CENPC: variants seen among roughly 807,000 people sequenced by gnomAD.
The protein encoded by CENPC is centromere protein C, also known as CENP-C 1.
In CENPC, 63 loss-of-function variants were observed where a neutral mutation model predicts 112.1. That is an observed-to-expected ratio of 0.56 (90% CI 0.46 to 0.69). CENPC has a LOEUF of 0.69. Among genes scored for constraint, CENPC ranks in the 30% least tolerant of loss-of-function variants. The pLI is 0.00. For missense variants in CENPC, 1,000 were observed against 1,103.8 expected (o/e 0.91, Z 1.33); for synonymous variants, 333 against 367.6 (o/e 0.91, Z 1.08).
chr4:67,485,206 A>G (rs1284241454), intron 17 of CENPC, among the ~76,000 whole-genome samples: 1 of 152,208 alleles, frequency 6.6e-6, no homozygotes, highest in Admixed American at 6.5e-5. Context: ...AAAGAAAGCA[A>G]AAAGCTAAAT....
rs780610159 is a variant in CENPC at position 67,518,307 on chromosome 4, C to T, written c.679G>A (p.Glu227Lys). ...TGTCCTTCCGATGTTTTATCCTCTT[C>T]ATCTGATACTTTATTATCTATTTCT... ...KIEIDNKVSD[E>K]EDKTSEGQER... The change falls in exon 7 of 19, where the codon GAA becomes AAA. Residue 227 changes from glutamate (E) to lysine (K), a missense_variant. Glu to Lys is a moderately conservative substitution (Grantham distance 56, BLOSUM62 1). Coordinates refer to ENST00000273853, the MANE Select transcript of CENPC (RefSeq NM_001812.4). 19 of 1,549,886 alleles carry T rather than the reference C, an allele frequency of 1.2e-5. No individual in the cohort carries two copies. In the East Asian group the frequency reaches 4.1e-4, roughly 33 times the overall value.
At position 67,471,091 on chromosome 4, in the gene CENPC, A is replaced by C. The variant is rs1724648564; in HGVS notation, c.*1514T>G. On this transcript the variant is annotated 3_prime_UTR_variant, in exon 19 of 19. Coordinates refer to ENST00000273853, the MANE Select transcript of CENPC (RefSeq NM_001812.4). ...ATCCCCCATCCCACACAGAACAACC[A>C]ACAGTGGGTGGAAGGCTTATAGACT... is the stretch of plus-strand genomic sequence containing the variant. 1 of 152,188 alleles carries C rather than the reference A, an allele frequency of 6.6e-6. No homozygotes were observed. The highest frequency in any genetic ancestry group is 1.5e-5 in the Non-Finnish European group (1 of 68,044). 9.4% of individuals were successfully genotyped at this position (152,188 alleles called of 1,614,324 possible). A position where few individuals can be genotyped will look rare whatever the true frequency, so the allele number is the denominator to read the frequency against.
intron 17 of CENPC, among the ~76,000 whole-genome samples, chr4:67,483,331 G>A (rs1006436660): frequency 6.7e-6 from 1 of 149,072 alleles, no homozygotes; most frequent in Non-Finnish European, 1.5e-5. Flanking sequence ...CCAGCCTGGG[G>A]ACAGTGGGAG....
At chr4:67,523,879 C>G (rs1422575845) in intron 5 of CENPC, among the ~76,000 whole-genome samples, 1 of 151,812 alleles carries the variant, frequency 6.6e-6, no homozygotes. Context: ...TCAGAAACAA[C>G]AACAAAAATG....
intron 12 of CENPC, among the ~76,000 whole-genome samples, chr4:67,499,076 T>A (rs1199097875): frequency 6.6e-6 from 1 of 152,218 alleles, no homozygotes; most frequent in Non-Finnish European, 1.5e-5. Context: ...AGCTGCTGGG[T>A]GGCCTGGTGC....
rs1216465501 is a variant in CENPC at position 67,497,469 on chromosome 4, C to A, written c.2132-2257G>T. 3.9e-5 allele frequency among the ~76,000 whole-genome samples: 6 copies of A among 152,240 alleles called. No homozygotes were observed. The East Asian group carries it at 1.2e-3, about 29-fold the overall frequency. On this transcript the variant is annotated intron_variant, in intron 12 of 18. Coordinates refer to ENST00000273853, the MANE Select transcript of CENPC (RefSeq NM_001812.4). ...CCAGACTACTGCAGTAAAACAGATA[C>A]TGCAATAAAGAAGTCAAACAGTTTT... is the stretch of plus-strand genomic sequence containing the variant.
intron 16 of CENPC, among the ~76,000 whole-genome samples, chr4:67,490,457 T>TTC (rs1725209571): frequency 6.6e-6 from 1 of 152,120 alleles, no homozygotes; most frequent in Non-Finnish European, 1.5e-5. Context: ...AAATATTGTC[T>TTC]GGCAAAAAGT....
chr4:67,528,648 G>A (rs547498267), intron 5 of CENPC, among the ~76,000 whole-genome samples: 6 of 152,262 alleles, frequency 3.9e-5, no homozygotes, highest in African/African-American at 1.4e-4. Flanking sequence ...TTATATAGCA[G>A]AACTTTGTTT....
chr4:67,510,473 C>T (rs1196866219), intron 9 of CENPC, among the ~76,000 whole-genome samples: 1 of 152,172 alleles, frequency 6.6e-6, no homozygotes, highest in Non-Finnish European at 1.5e-5. Context: ...GGTATTTTAT[C>T]TATGTATATT....
chr4:67,538,197 ATACATT>A (rs1489448184), intron 4 of CENPC, among the ~76,000 whole-genome samples: 1 of 152,200 alleles, frequency 6.6e-6, no homozygotes, highest in African/African-American at 2.4e-5. Context: ...CTTATTTATT[ATACATT>A]TAAAGTTATG....
chr4:67,519,401 G>C lies in CENPC; in HGVS notation c.433C>G (p.His145Asp). 6.2e-7 allele frequency: 1 copy of C among 1,613,012 alleles called. No homozygotes were observed. The highest frequency in any genetic ancestry group is 1.1e-5 in the South Asian group (1 of 91,004). Residue 145 changes from histidine (H) to aspartate (D), a missense_variant, in exon 6 of 19, where the codon CAC becomes GAC. His to Asp is a moderately conservative substitution (Grantham distance 81). Coordinates refer to ENST00000273853, the MANE Select transcript of CENPC (RefSeq NM_001812.4). ...TAAAATTCTTCATCAGCTTCACTGT[G>C]ATGATCATTTATGTTTCTACTTGAT... The part of the protein sequence containing the change: ...KISSRNINDH[H>D]SEADEEFYLS...
In CENPC at chr4:67,514,091, T is replaced by A; in HGVS notation, c.1427A>T (p.Lys476Ile). ...EEMGNDCVSKKQMPPVGSKKS... is the reference protein window; with the variant it reads ...EEMGNDCVSKIQMPPVGSKKS... The stretch of plus-strand genomic sequence containing the variant: ...ACACTTACCCACAGGTGGCATCTGT[T>A]TTTTGGAAACACAATCATTTCCCAT... Residue 476 changes from lysine to isoleucine, a missense_variant, in exon 8 of 19, where the codon AAA becomes ATA. By Grantham distance (102) the Lys-to-Ile change is moderately radical (BLOSUM62 -3). Coordinates refer to ENST00000273853, the MANE Select transcript of CENPC (RefSeq NM_001812.4). 6.3e-7 allele frequency: 1 copy of A among 1,595,924 alleles called. No individual in the cohort carries two copies. Among genetic ancestry groups the A allele is most frequent in the Non-Finnish European group, 8.5e-7 (1 of 1,173,652 alleles).
intron 17 of CENPC, among the ~76,000 whole-genome samples, chr4:67,487,288 G>A (rs1373166214): frequency 6.7e-6 from 1 of 149,334 alleles, no homozygotes; most frequent in African/African-American, 2.6e-5. Context: ...TGGCTTCCTA[G>A]AATCCTCCAA....
intron 17 of CENPC, among the ~76,000 whole-genome samples, chr4:67,484,645 G>T (rs192566048): frequency 1.2e-4 from 18 of 152,312 alleles, no homozygotes; most frequent in African/African-American, 4.1e-4. Context: ...AAGAAAAATT[G>T]TCTTTCACAA....
intron 13 of CENPC, among the ~76,000 whole-genome samples, chr4:67,494,587 A>ATC (rs35717205): frequency 0.91 from 138,278 of 152,142 alleles, 63,066 homozygotes; most frequent in South Asian, 0.95. Flanking sequence ...CCTATTGGTA[A>ATC]TCTGAGTATG....
intron 17 of CENPC, among the ~76,000 whole-genome samples, chr4:67,488,922 A>G (rs1038608296): frequency 1.3e-5 from 2 of 151,812 alleles, no homozygotes; most frequent in Non-Finnish European, 2.9e-5. Context: ...TTCTTTGTTA[A>G]TATAAACTCA....
chr4:67,477,918 G>C (rs1157248318), intron 17 of CENPC, among the ~76,000 whole-genome samples: 1 of 151,760 alleles, frequency 6.6e-6, no homozygotes, highest in Non-Finnish European at 1.5e-5. Context: ...ACATTAGAAA[G>C]TTTTAACAAT....
intron 10 of CENPC, among the ~76,000 whole-genome samples, chr4:67,508,161 A>T (rs929618195): frequency 1.3e-5 from 2 of 152,194 alleles, no homozygotes; most frequent in Non-Finnish European, 2.9e-5. Context: ...TTGAAATCAC[A>T]TTAATCTCAC....
At chr4:67,476,889 T>C (rs990328030) in intron 17 of CENPC, among the ~76,000 whole-genome samples, 2 of 152,200 alleles carry the variant, frequency 1.3e-5, no homozygotes, top group African/African-American at 2.4e-5. Flanking sequence ...GAGGCCAGTC[T>C]GCCAGCTTCC....
Sources: allele counts gnomAD v4.1 joint callset (sites outside exome capture counted in the v4.1 genomes callset), GRCh38; gene constraint gnomAD v4.1.1; transcripts MANE v1.5; gene names NCBI Gene and HGNC (gene_info 2026-07-23, HGNC 2026-07-21).